The following GRAMD1C variants were observed in gnomAD, a reference collection of about 807,000 sequenced individuals.
GRAMD1C encodes GRAM domain containing 1C, also known as protein Aster-C.
GRAMD1C carries 89 observed loss-of-function variants against 97.8 expected under a neutral mutation model. That is an observed-to-expected ratio of 0.91 (90% CI 0.77 to 1.09). GRAMD1C has a LOEUF of 1.09. Among genes scored for constraint, GRAMD1C ranks in the 50% least tolerant of loss-of-function variants. GRAMD1C has a pLI of 0.00. For synonymous variants in GRAMD1C, 256 were observed against 267.0 expected (o/e 0.96, Z 0.40); for missense variants, 740 against 766.4 (o/e 0.97, Z 0.41).
At position 113,853,346 on chromosome 3, in the gene GRAMD1C, T is replaced by G. The variant is rs181967532; in HGVS notation, c.174+8697T>G. Among the ~76,000 whole-genome samples, 117 of 152,310 alleles carry G rather than the reference T, an allele frequency of 7.7e-4. 2 individuals are homozygous for G. The East Asian group carries it at 0.015, about 20-fold the overall frequency. ...AGAGAAAGTATGAAAGAGAGCAGTTTAAGATGTAAAGGAAATAGTAGAGAA... is the reference window on the plus strand; with the variant it reads ...AGAGAAAGTATGAAAGAGAGCAGTTGAAGATGTAAAGGAAATAGTAGAGAA... On this transcript the variant is annotated intron_variant, in intron 2 of 17. Transcript: ENST00000358160.
At chr3:113,894,808 A>G (rs756294273) in intron 6 of GRAMD1C, among the ~76,000 whole-genome samples, 2 of 152,150 alleles carry the variant, frequency 1.3e-5, no homozygotes, top group African/African-American at 2.4e-5. Flanking sequence ...CATATGTTAG[A>G]TTCAGGGGTA....
At chr3:113,876,537 A>G (rs2566978) in intron 5 of GRAMD1C, among the ~76,000 whole-genome samples, 17,515 of 152,176 alleles carry the variant, frequency 0.12, 1,418 homozygotes, top group African/African-American at 0.23. Context: ...TAAATACTCT[A>G]ATAATCCCAT....
At chr3:113,838,520 G>C (rs150803115), upstream of GRAMD1C, 9,386 of 180,146 alleles carry the variant, frequency 0.052, 284 homozygotes, top group Middle Eastern at 0.11. Flanking sequence ...GCAGTTAGCC[G>C]AGACGGGGCC....
chr3:113,877,270 G>A (rs1935084849), intron 5 of GRAMD1C, among the ~76,000 whole-genome samples: 2 of 152,146 alleles, frequency 1.3e-5, no homozygotes, highest in South Asian at 2.1e-4. Flanking sequence ...AGATATTCTG[G>A]CATGTACTTC....
At position 113,881,147 on chromosome 3, in the gene GRAMD1C, A is replaced by T. The variant is rs9830218; in HGVS notation, c.460-1605A>T. Among the ~76,000 whole-genome samples, 244 of 152,124 alleles carry T rather than the reference A, an allele frequency of 1.6e-3. 3 individuals carry two copies. The highest frequency in any genetic ancestry group is 5.1e-3 in the African/African-American group (213 of 41,540). ...TATTGAATCAAGATTAATTTAATTT[A>T]ATTTATTTATTTATTATTTTTGTCT... On this transcript the variant is annotated intron_variant, in intron 5 of 17. Coordinates refer to ENST00000358160, the MANE Select transcript of GRAMD1C (RefSeq NM_017577.5).
Position 113,880,331 on chromosome 3 carries a change from A to G in GRAMD1C, c.460-2421A>G, listed in dbSNP as rs575427187. 7.5e-4 allele frequency among the ~76,000 whole-genome samples: 114 copies of G among 152,226 alleles called. 2 individuals are homozygous for G. Among genetic ancestry groups the G allele is most frequent in the Non-Finnish European group, 1.2e-3 (84 of 68,008 alleles). ...AGACTTCCTTTCTTTTTATTTACAT[A>G]CAGGCATGCATATATAAATGTATAG... On this transcript the variant is annotated intron_variant, in intron 5 of 17. Transcript: ENST00000358160.
Position 113,851,053 on chromosome 3 carries a change from C to T in GRAMD1C, c.174+6404C>T, listed in dbSNP as rs867033740. 5.9e-5 allele frequency among the ~76,000 whole-genome samples: 9 copies of T among 152,248 alleles called. No homozygotes were observed. In the South Asian group the frequency reaches 1.5e-3, roughly 25 times the overall value. ...TCCTGACCTCGTGATCTGCCCTCCTCGGCCTCCCAAAGTGCTGGGATTACA... is the reference window on the plus strand; with the variant it reads ...TCCTGACCTCGTGATCTGCCCTCCTTGGCCTCCCAAAGTGCTGGGATTACA... On this transcript the variant is annotated intron_variant, in intron 2 of 17. Transcript: ENST00000358160.
chr3:113,845,346 G>C (rs1933561994), intron 2 of GRAMD1C, among the ~76,000 whole-genome samples: 1 of 152,182 alleles, frequency 6.6e-6, no homozygotes, highest in Admixed American at 6.5e-5. Context: ...AACTATAAGT[G>C]AAAATTATGT....
intron 6 of GRAMD1C, chr3:113,890,697 A>G: frequency 1.4e-6 from 1 of 691,488 alleles, no homozygotes; most frequent in Non-Finnish European, 2.6e-6. Flanking sequence ...ATCGCAGACT[A>G]TGCTTGGTTA....
intron 5 of GRAMD1C, among the ~76,000 whole-genome samples, chr3:113,880,083 A>G (rs1935202935): frequency 6.6e-6 from 1 of 152,142 alleles, no homozygotes; most frequent in Non-Finnish European, 1.5e-5. Context: ...GTGGATGCCT[A>G]CTTTTCTCTT....
At chr3:113,833,277 A>G (rs1473726799) in intron 1 of GRAMD1C, among the ~76,000 whole-genome samples, 1 of 151,736 alleles carries the variant, frequency 6.6e-6, no homozygotes, top group Non-Finnish European at 1.5e-5. Context: ...AGCTGGGATT[A>G]CAGGCTTGTA....
chr3:113,840,479 G>A (rs1219813165), intron 1 of GRAMD1C, among the ~76,000 whole-genome samples: 1 of 152,184 alleles, frequency 6.6e-6, no homozygotes, highest in East Asian at 1.9e-4. Flanking sequence ...GCTCATGCCT[G>A]TAATTCTAGC....
At chr3:113,884,842 A>G (rs962686561) in intron 6 of GRAMD1C, among the ~76,000 whole-genome samples, 1 of 150,658 alleles carries the variant, frequency 6.6e-6, no homozygotes, top group Non-Finnish European at 1.5e-5. Flanking sequence ...GTCTCAAAAA[A>G]AAGAAAAAAA....
Position 113,893,388 on chromosome 3 carries a change from T to A in GRAMD1C, c.541-7643T>A, listed in dbSNP as rs188937314. 2.9e-3 allele frequency among the ~76,000 whole-genome samples: 443 copies of A among 152,172 alleles called. 6 individuals carry two copies. Among genetic ancestry groups the A allele is most frequent in the Admixed American group, 0.024 (373 of 15,278 alleles). ...GTCATCTTAAATGTTCTGCTTTTTT[T>A]TTTTTATTAAGTCTTCAAATATTCT... On this transcript the variant is annotated intron_variant, in intron 6 of 17. Coordinates refer to ENST00000358160, the MANE Select transcript of GRAMD1C (RefSeq NM_017577.5).
intron 2 of GRAMD1C, chr3:113,850,691 A>G: frequency 1.3e-6 from 2 of 1,589,920 alleles, no homozygotes; most frequent in African/African-American, 1.3e-5. Context: ...CTTAAAAAGG[A>G]GTTCATAAAT....
chr3:113,906,652 AT>A (rs11436537), intron 8 of GRAMD1C, among the ~76,000 whole-genome samples: 14 of 151,344 alleles, frequency 9.3e-5, no homozygotes, highest in South Asian at 8.3e-4. Context: ...TGAAAAAACA[AT>A]TTTTTTTTGG....
intron 5 of GRAMD1C, among the ~76,000 whole-genome samples, 172 bp downstream of exon 5, chr3:113,876,432 A>G (rs1935035986): frequency 6.6e-6 from 1 of 152,196 alleles, no homozygotes; most frequent in Non-Finnish European, 1.5e-5. Context: ...ACTTTAAATG[A>G]CTGCTGACTT....
In GRAMD1C at chr3:113,881,024, G is replaced by T. The variant is rs541902279; in HGVS notation, c.460-1728G>T. On this transcript the variant is annotated intron_variant, in intron 5 of 17. Transcript: ENST00000358160. ...TATGACTAAAGGAAGGCTAATCATA[G>T]CAATTTTAGTTGTTTTGGGTTCTAG... Among the ~76,000 whole-genome samples the T allele has an allele frequency of 9.6e-4, 146 of 152,206 alleles. 1 individual carries two copies. Among genetic ancestry groups the T allele is most frequent in the Non-Finnish European group, 1.4e-3 (93 of 67,982 alleles).
At chr3:113,922,561 A>C (rs574011108) in intron 10 of GRAMD1C, among the ~76,000 whole-genome samples, 1 of 152,048 alleles carries the variant, frequency 6.6e-6, no homozygotes, top group South Asian at 2.1e-4. Context: ...GTTTTTGTCA[A>C]CTTTGTCGAA....
Sources: gnomAD v4.1 joint callset for allele counts (sites outside exome capture counted in the v4.1 genomes callset) on GRCh38, gnomAD v4.1.1 for gene constraint, MANE v1.5 for transcripts, NCBI Gene and HGNC (gene_info 2026-07-23, HGNC 2026-07-21) for gene names.